The following ACOT7 variants were observed in gnomAD, a reference collection of about 807,000 sequenced individuals.
ACOT7 encodes the protein acyl-CoA thioesterase 7, also known as cytosolic acyl coenzyme A thioester hydrolase.
Under a neutral mutation model 40.2 loss-of-function variants are expected in ACOT7, and 12 were observed. The observed-to-expected ratio is 0.30, with a 90% CI of 0.19 to 0.48. The LOEUF (loss-of-function observed/expected upper bound fraction) is 0.48. Ranked by LOEUF, ACOT7 falls within the 20% of genes least tolerant of loss-of-function variation. The probability of loss-of-function intolerance (pLI) is 0.99; values close to 1 mark genes in which losing one functional copy is unlikely to be tolerated. For synonymous variants in ACOT7, 228 were observed against 219.5 expected (o/e 1.04, Z -0.34); for missense variants, 395 against 530.8 (o/e 0.74, Z 2.51).
Position 6,278,126 on chromosome 1 carries a change from T to C in ACOT7, c.1014+2976A>G, listed in dbSNP as rs1297443756. Among the ~76,000 whole-genome samples, 1 of 151,988 alleles carries C rather than the reference T, an allele frequency of 6.6e-6. No homozygotes were observed. The highest frequency in any genetic ancestry group is 1.5e-5 in the Non-Finnish European group (1 of 67,998). On this transcript the variant is annotated intron_variant, in intron 8 of 8. Coordinates refer to ENST00000361521, the MANE Select transcript of ACOT7 (RefSeq NM_007274.4). This position sits in a 1 kb window ranked among gnomAD's most constrained non-coding sequence, Gnocchi z 4.1. The stretch of plus-strand genomic sequence containing the variant: ...GGTCTGGGGTGGCGGAGGCGACGCT[T>C]CTCTAGAGCGGTTGTGGGTGCCCTT...
chr1:6,369,261 G>A lies in ACOT7; in HGVS notation c.144-19395C>T, dbSNP rs115602685. 4.1e-3 allele frequency among the ~76,000 whole-genome samples: 620 copies of A among 152,186 alleles called. 2 individuals are homozygous for A. The highest frequency in any genetic ancestry group is 7.0e-3 in the Non-Finnish European group (477 of 67,984). On this transcript the variant is annotated intron_variant, in intron 1 of 8. Transcript: ENST00000361521. ...CTCCCAAAGTGTTGGGATTACAGGC[G>A]TGAGCCACCTCGCCTGGTCTATAAA...
In ACOT7 at chr1:6,393,453, C is replaced by T; in HGVS notation, c.-54G>A. 1 of 1,062,754 alleles carries T rather than the reference C, an allele frequency of 9.4e-7. No homozygotes were observed. 65.8% of individuals were successfully genotyped at this position (1,062,754 alleles called of 1,614,324 possible). ...GGGCTGGTGAGGCGGGGCCTGCGCG[C>T]CGGGGGCAATCGAACGCGGCCTCCC... On this transcript the variant is annotated 5_prime_UTR_variant, in exon 1 of 9. Transcript: ENST00000361521.
Position 6,306,730 on chromosome 1 carries a change from T to G in ACOT7, c.713-11750A>C. On this transcript the variant is annotated intron_variant, in intron 6 of 8. Transcript: ENST00000361521. This position sits in a 1 kb window ranked among gnomAD's most constrained non-coding sequence, Gnocchi z 4.3. ...AAGTTCCTCAAGAGTAGGGAACAGCTCTTCGTCCACCTTTTTCCTTCCTTG... is the reference window on the plus strand; with the variant it reads ...AAGTTCCTCAAGAGTAGGGAACAGCGCTTCGTCCACCTTTTTCCTTCCTTG... 8.1e-7 allele frequency: 1 copy of G among 1,239,886 alleles called. No homozygotes were observed. Among genetic ancestry groups the G allele is most frequent in the Non-Finnish European group, 1.0e-6 (1 of 960,608 alleles). 76.8% of individuals were successfully genotyped at this position (1,239,886 alleles called of 1,614,324 possible).
intron 1 of ACOT7, among the ~76,000 whole-genome samples, chr1:6,370,453 G>GTTA (rs1169165362): frequency 2.0e-4 from 29 of 144,294 alleles, no homozygotes; most frequent in Admixed American, 3.5e-4. Context: ...AATGAGCAGT[G>GTTA]TTAGTATTAT....
At chr1:6,340,806 T>A (rs1641255696) in intron 2 of ACOT7, among the ~76,000 whole-genome samples, 1 of 151,894 alleles carries the variant, frequency 6.6e-6, no homozygotes, top group Non-Finnish European at 1.5e-5. Flanking sequence ...GAGGCCGAGG[T>A]GGGCGGATCA....
At position 6,288,860 on chromosome 1, in the gene ACOT7, T is replaced by C. The variant is rs1639585941; in HGVS notation, c.829+6004A>G. 1.3e-5 allele frequency among the ~76,000 whole-genome samples: 2 copies of C among 152,316 alleles called. No individual in the cohort carries two copies. The highest frequency in any genetic ancestry group is 2.1e-4 in the South Asian group (1 of 4,828). On this transcript the variant is annotated intron_variant, in intron 7 of 8. Transcript: ENST00000361521. The surrounding 1 kb of genome is among the most constrained non-coding windows in gnomAD (Gnocchi z 4.3). ...GTTATCTTCTGAACCCCTGGGCCAA[T>C]GTCTGGATGAAGCAAAGCTGTCCGT...
chr1:6,292,029 T>C (rs1639680177), intron 7 of ACOT7, among the ~76,000 whole-genome samples: 1 of 152,178 alleles, frequency 6.6e-6, no homozygotes, highest in African/African-American at 2.4e-5. Context: ...GCAAAGGACC[T>C]GGCAGGTGTG....
In ACOT7 at chr1:6,299,206, G is replaced by T. The variant is rs183160304; in HGVS notation, c.713-4226C>A. ...GCAGAGGAGGTGACGGCGCCCACAGGCAAGGTGACTGAGGAGCAAATGGGA... is the reference window on the plus strand; with the variant it reads ...GCAGAGGAGGTGACGGCGCCCACAGTCAAGGTGACTGAGGAGCAAATGGGA... On this transcript the variant is annotated intron_variant, in intron 6 of 8. Transcript: ENST00000361521. This position sits in a 1 kb window ranked among gnomAD's most constrained non-coding sequence, Gnocchi z 4.1. Among the ~76,000 whole-genome samples, 147 of 152,346 alleles carry T rather than the reference G, an allele frequency of 9.6e-4. No individual in the cohort carries two copies. Among genetic ancestry groups the T allele is most frequent in the African/African-American group, 3.3e-3 (139 of 41,594 alleles).
intron 7 of ACOT7, among the ~76,000 whole-genome samples, chr1:6,293,884 T>C (rs1212877517): frequency 6.6e-6 from 1 of 152,182 alleles, no homozygotes; most frequent in Non-Finnish European, 1.5e-5. Flanking sequence ...GGGTCTCCCA[T>C]TGCCAGGTGT....
intron 8 of ACOT7, among the ~76,000 whole-genome samples, chr1:6,267,876 C>T (rs964777414): frequency 2.6e-5 from 4 of 152,204 alleles, no homozygotes; most frequent in Admixed American, 6.5e-5. Context: ...TGACTCACAT[C>T]GACTCCTCTT....
intron 2 of ACOT7, among the ~76,000 whole-genome samples, chr1:6,345,291 C>A (rs1641388699): frequency 6.6e-6 from 1 of 152,256 alleles, no homozygotes; most frequent in South Asian, 2.1e-4. Context: ...ACAGGCATCC[C>A]AGCAAACCAC....
chr1:6,337,777 C>A (rs945362240), intron 3 of ACOT7, among the ~76,000 whole-genome samples: 52 of 152,188 alleles, frequency 3.4e-4, no homozygotes, highest in African/African-American at 1.2e-3. Flanking sequence ...GAGTTTCAGA[C>A]CACCCTGGCC....
At chr1:6,296,116 G>A (rs1440202652) in intron 6 of ACOT7, among the ~76,000 whole-genome samples, 1 of 151,378 alleles carries the variant, frequency 6.6e-6, no homozygotes, top group Non-Finnish European at 1.5e-5. Flanking sequence ...GGCTGGCCTC[G>A]AACTCCTGGA....
rs1465465608 is a variant in ACOT7 at position 6,281,196 on chromosome 1, T to C, written c.920A>G (p.Asp307Gly). ...GGCCCGGTAGCGCTTCTGAGAGCTG[T>C]CCACAACAGGGTCGGCGTCCACCAA... ...EVLVDADPVV[D>G]SSQKRYRAAS... Residue 307 changes from aspartate to glycine, a missense_variant, in exon 8 of 9, where the codon GAC becomes GGC. Coordinates refer to ENST00000361521, the MANE Select transcript of ACOT7 (RefSeq NM_007274.4). The C allele has an allele frequency of 6.2e-7, 1 of 1,614,096 alleles. No homozygotes were observed. The highest frequency in any genetic ancestry group is 1.7e-5 in the Admixed American group (1 of 60,020).
At chr1:6,303,637 G>A (rs570084530) in intron 6 of ACOT7, among the ~76,000 whole-genome samples, 129 of 152,274 alleles carry the variant, frequency 8.5e-4, no homozygotes, top group Non-Finnish European at 1.5e-3. Flanking sequence ...CGGAGCGTGG[G>A]CGCCGGCCTC....
At chr1:6,387,486 T>C (rs1306909953) in intron 1 of ACOT7, among the ~76,000 whole-genome samples, 4 of 152,172 alleles carry the variant, frequency 2.6e-5, no homozygotes, top group African/African-American at 9.7e-5. Flanking sequence ...AAACCCATAT[T>C]TGTAACAGAC....
At chr1:6,378,033 G>A (rs1207013377) in intron 1 of ACOT7, among the ~76,000 whole-genome samples, 1 of 152,094 alleles carries the variant, frequency 6.6e-6, no homozygotes, top group Non-Finnish European at 1.5e-5. Flanking sequence ...TCGCACCACT[G>A]CACTCCAGCC....
Position 6,359,164 on chromosome 1 carries a change from A to G in ACOT7, c.144-9298T>C. On this transcript the variant is annotated intron_variant, in intron 1 of 8. Transcript: ENST00000361521. The surrounding 1 kb of genome is among the most constrained non-coding windows in gnomAD (Gnocchi z 4.1). ...AGAGGGGCCGCTGCTGAGCGGCCTC[A>G]GGGAAGCGGCTATGAGGCTCTGCCT... is the stretch of plus-strand genomic sequence containing the variant. The G allele has an allele frequency of 3.7e-6, 1 of 268,094 alleles. No homozygotes were observed. The highest frequency in any genetic ancestry group is 7.2e-6 in the Non-Finnish European group (1 of 138,526). The allele number at this position is 268,094 out of a possible 1,614,324, so 16.6% of individuals were successfully genotyped here. A position where few individuals can be genotyped will look rare whatever the true frequency, so the allele number is the denominator to read the frequency against.
chr1:6,391,433 G>C (rs943316888), intron 1 of ACOT7, among the ~76,000 whole-genome samples: 2 of 152,210 alleles, frequency 1.3e-5, no homozygotes, highest in African/African-American at 2.4e-5. Context: ...TTGAGCCCAG[G>C]AGGCAGGGGT....
Sources: allele counts gnomAD v4.1 joint callset (sites outside exome capture counted in the v4.1 genomes callset), GRCh38; gene constraint gnomAD v4.1.1; non-coding constraint Gnocchi (gnomAD v3.1); transcripts MANE v1.5; gene names NCBI Gene and HGNC (gene_info 2026-07-23, HGNC 2026-07-21).